Variants in PCDH9 observed in about 807,000 individuals in gnomAD.
PCDH9 encodes protocadherin 9.
A neutral mutation model predicts 70.6 loss-of-function variants in PCDH9; 24 were observed. The ratio of observed to expected loss-of-function variants is 0.34; its 90% CI spans 0.25 to 0.48. The LOEUF is 0.48. Among genes scored for constraint, PCDH9 ranks in the 20% least tolerant of loss-of-function variants. The pLI is 0.99. For synonymous variants in PCDH9, 562 were observed against 558.5 expected (o/e 1.01, Z -0.09); for missense variants, 1,281 against 1,503.6 (o/e 0.85, Z 2.45).
chr13:66,473,005 C>CTTA (rs34026113), intron 4 of PCDH9, among the ~76,000 whole-genome samples: 54,331 of 150,996 alleles, frequency 0.36, 9,971 homozygotes, highest in Middle Eastern at 0.42. Flanking sequence ...GTAAAACCTT[C>CTTA]TTATATTATA....
chr13:66,499,608 T>C (rs761152329), intron 4 of PCDH9, among the ~76,000 whole-genome samples: 3 of 152,232 alleles, frequency 2.0e-5, no homozygotes, highest in Non-Finnish European at 4.4e-5. Flanking sequence ...AGAATAGTTA[T>C]TAATCATTTC....
chr13:66,932,431 G>A (rs1594277051), intron 2 of PCDH9, among the ~76,000 whole-genome samples: 1 of 151,784 alleles, frequency 6.6e-6, no homozygotes, highest in South Asian at 2.1e-4. Context: ...CATCAAATCA[G>A]ATGAATATTC....
chr13:66,557,639 C>T (rs74093338), intron 4 of PCDH9, among the ~76,000 whole-genome samples: 4,857 of 152,074 alleles, frequency 0.032, 250 homozygotes, highest in African/African-American at 0.11. Flanking sequence ...ATTTAGCAAG[C>T]GTTTTTAACA....
Position 67,226,565 on chromosome 13 carries a change from C to T in PCDH9, c.1876G>A (p.Val626Ile). ...DNFVLDPYSG[V>I]IKSNVSFDRE... ...TCAAATGAGACATTTGACTTTATGA[C>T]TCCAGAATAGGGATCCAACACAAAA... The change falls in exon 2 of 5, where the codon GTC becomes ATC. Residue 626 changes from valine to isoleucine, a missense_variant. This residue lies in a region of PCDH9 where 798 missense variants were observed against 1,003.1 expected (regional missense o/e 0.80). Transcript: ENST00000377865. The surrounding 1 kb of genome is among the most constrained non-coding windows in gnomAD (Gnocchi z 5.0). 1 of 1,613,812 alleles carries T rather than the reference C, an allele frequency of 6.2e-7. No homozygotes were observed. The highest frequency in any genetic ancestry group is 8.5e-7 in the Non-Finnish European group (1 of 1,179,710).
chr13:66,590,465 C>T (rs775597762), intron 4 of PCDH9, among the ~76,000 whole-genome samples: 19 of 151,840 alleles, frequency 1.3e-4, no homozygotes, highest in Non-Finnish European at 2.1e-4. Flanking sequence ...GGTTGGTACA[C>T]AACCAAATGA....
intron 2 of PCDH9, among the ~76,000 whole-genome samples, chr13:67,136,425 AGTGCCTGTTTCTCTTCATGT>A (rs776032791): frequency 1.3e-5 from 2 of 152,156 alleles, no homozygotes; most frequent in Non-Finnish European, 2.9e-5. Flanking sequence ...CCTTCACTGC[AGTGCCTGTTTCTCTTCATGT>A]GTGCCTGTGT....
rs145834634 is a variant in PCDH9 at position 66,899,455 on chromosome 13, T to G, written c.3138+4049A>C. ...GGATTTCACCCCTACAAGGGAGAAGTCCTATCTCAAAAATTCATACACTGA... is the reference window on the plus strand; with the variant it reads ...GGATTTCACCCCTACAAGGGAGAAGGCCTATCTCAAAAATTCATACACTGA... On this transcript the variant is annotated intron_variant, in intron 3 of 4. Transcript: ENST00000377865. Among the ~76,000 whole-genome samples, 422 of 152,092 alleles carry G rather than the reference T, an allele frequency of 2.8e-3. 1 individual carries two copies. The highest frequency in any genetic ancestry group is 9.5e-3 in the South Asian group (46 of 4,822).
chr13:67,043,923 T>C (rs529281839), intron 2 of PCDH9, among the ~76,000 whole-genome samples: 1 of 152,300 alleles, frequency 6.6e-6, no homozygotes, highest in African/African-American at 2.4e-5. Context: ...CCAGGGTATA[T>C]GCTGTTTTAA....
At chr13:67,086,232 T>A (rs79037626) in intron 2 of PCDH9, among the ~76,000 whole-genome samples, 15,455 of 152,206 alleles carry the variant, frequency 0.1, 863 homozygotes, top group South Asian at 0.14. Context: ...ATGTTTCCAA[T>A]ATATATCAAT....
chr13:67,121,306 A>G (rs1170692397), intron 2 of PCDH9, among the ~76,000 whole-genome samples: 2 of 152,180 alleles, frequency 1.3e-5, no homozygotes, highest in Non-Finnish European at 2.9e-5. Context: ...AGATCCAACT[A>G]TTTGCCCCAC....
intron 2 of PCDH9, among the ~76,000 whole-genome samples, chr13:67,150,119 T>G (rs960119688): frequency 5.3e-5 from 8 of 152,224 alleles, no homozygotes; most frequent in Non-Finnish European, 7.3e-5. Flanking sequence ...GTGCAACATC[T>G]GCCTCCCAGG....
At chr13:66,711,226 T>G (rs1472566945) in intron 3 of PCDH9, among the ~76,000 whole-genome samples, 1 of 152,124 alleles carries the variant, frequency 6.6e-6, no homozygotes, top group Non-Finnish European at 1.5e-5. Flanking sequence ...CCATATATAA[T>G]GACATAGAAA....
chr13:67,168,933 C>T (rs1266663337), intron 2 of PCDH9, among the ~76,000 whole-genome samples: 2 of 152,136 alleles, frequency 1.3e-5, no homozygotes, highest in East Asian at 3.9e-4. Context: ...ATGAGTAAGT[C>T]TGGACTCATA....
At chr13:66,422,996 A>G (rs967492939) in intron 4 of PCDH9, among the ~76,000 whole-genome samples, 5 of 152,184 alleles carry the variant, frequency 3.3e-5, no homozygotes, top group Non-Finnish European at 5.9e-5. Flanking sequence ...ATCCCTAGCA[A>G]TACAAACTAC....
chr13:67,079,035 C>G (rs865863620), intron 2 of PCDH9, among the ~76,000 whole-genome samples: 15 of 152,056 alleles, frequency 9.9e-5, no homozygotes, highest in African/African-American at 3.6e-4. Flanking sequence ...TAAGGCCAGA[C>G]GCAGTGGCTC....
intron 2 of PCDH9, among the ~76,000 whole-genome samples, chr13:67,052,584 A>T (rs2085343085): frequency 6.6e-6 from 1 of 152,078 alleles, no homozygotes; most frequent in Admixed American, 6.6e-5. Flanking sequence ...TGTAGGTTGC[A>T]TTAGAGCATA....
chr13:66,519,365 T>C (rs1474511259), intron 4 of PCDH9, among the ~76,000 whole-genome samples: 3 of 152,136 alleles, frequency 2.0e-5, no homozygotes, highest in Non-Finnish European at 4.4e-5. Flanking sequence ...TTAATCGGGT[T>C]ATGCACAAAC....
At chr13:67,229,091 T>C (rs1267810060) in intron 1 of PCDH9, among the ~76,000 whole-genome samples, 1 of 152,230 alleles carries the variant, frequency 6.6e-6, no homozygotes. Flanking sequence ...TAATACAATC[T>C]TACTGGGAAA....
chr13:66,857,661 T>C (rs183151730), intron 3 of PCDH9, among the ~76,000 whole-genome samples: 23 of 152,312 alleles, frequency 1.5e-4, no homozygotes, highest in African/African-American at 4.6e-4. Context: ...TTGGGGGCTG[T>C]ATATTCATAT....
Sources: allele counts gnomAD v4.1 joint callset (sites outside exome capture counted in the v4.1 genomes callset), GRCh38; gene constraint gnomAD v4.1.1; regional missense constraint gnomAD v4.1.1; non-coding constraint Gnocchi (gnomAD v3.1); transcripts MANE v1.5; gene names NCBI Gene and HGNC (gene_info 2026-07-23, HGNC 2026-07-21).